Variants in LRBA observed in about 807,000 individuals in gnomAD.
The protein encoded by LRBA is LPS responsive beige-like anchor protein.
A neutral mutation model predicts 330.0 loss-of-function variants in LRBA; 176 were observed. The observed-to-expected ratio is 0.53, with a 90% CI of 0.47 to 0.60. The LOEUF (loss-of-function observed/expected upper bound fraction) is 0.60, where lower values mean the gene tolerates loss of function less well. Among genes scored for constraint, LRBA ranks in the 20% least tolerant of loss-of-function variants. The probability of loss-of-function intolerance (pLI) is 0.00; values close to 1 mark genes in which losing one functional copy is unlikely to be tolerated. For synonymous variants in LRBA, 1,230 were observed against 1,193.0 expected (o/e 1.03, Z -0.64); for missense variants, 3,259 against 3,444.8 (o/e 0.95, Z 1.35).
chr4:150,853,022 T>G, intron 22 of LRBA, 79 bp from the exon 23 acceptor site: 1 of 712,210 alleles, frequency 1.4e-6, no homozygotes, highest in Non-Finnish European at 2.1e-6. Context: ...TAAATAATTT[T>G]CAAATACATA....
At chr4:150,769,196 C>T (rs1419059642) in intron 34 of LRBA, among the ~76,000 whole-genome samples, 5 of 151,974 alleles carry the variant, frequency 3.3e-5, no homozygotes, top group African/African-American at 9.7e-5. Context: ...CCACCCGCCT[C>T]GGCTTCCCAA....
At chr4:150,512,943 A>C (rs1761984181) in intron 40 of LRBA, among the ~76,000 whole-genome samples, 1 of 152,260 alleles carries the variant, frequency 6.6e-6, no homozygotes, top group Non-Finnish European at 1.5e-5. Flanking sequence ...TTAAACATTA[A>C]TAGTAACATA....
chr4:150,836,932 AG>A (rs1290869102), intron 28 of LRBA, among the ~76,000 whole-genome samples: 2 of 152,144 alleles, frequency 1.3e-5, no homozygotes, highest in Admixed American at 6.6e-5. Flanking sequence ...GTGGGCATTT[AG>A]TGCTATAAAT....
intron 2 of LRBA, among the ~76,000 whole-genome samples, chr4:150,943,547 C>T (rs1735903552): frequency 6.6e-6 from 1 of 152,182 alleles, no homozygotes; most frequent in African/African-American, 2.4e-5. Context: ...CTTAGATAGG[C>T]AGCTGGATGA....
chr4:150,762,619 TTGTG>T (rs1735247009), intron 34 of LRBA, among the ~76,000 whole-genome samples: 1 of 151,886 alleles, frequency 6.6e-6, no homozygotes, highest in Non-Finnish European at 1.5e-5. Flanking sequence ...TGAATGCCAC[TTGTG>T]TGTATGTGCG....
At chr4:150,453,274 T>A (rs559540625) in intron 44 of LRBA, among the ~76,000 whole-genome samples, 19 of 152,256 alleles carry the variant, frequency 1.2e-4, no homozygotes, top group African/African-American at 4.3e-4. Flanking sequence ...TATTACATGA[T>A]TTACTATAAA....
intron 37 of LRBA, among the ~76,000 whole-genome samples, chr4:150,615,226 A>G (rs997187590): frequency 2.0e-5 from 3 of 152,238 alleles, no homozygotes; most frequent in African/African-American, 4.8e-5. Context: ...AGTTTCTAAG[A>G]GGGCCAAATC....
intron 22 of LRBA, among the ~76,000 whole-genome samples, chr4:150,854,318 A>C (rs1750965733): frequency 6.6e-6 from 1 of 152,208 alleles, no homozygotes; most frequent in African/African-American, 2.4e-5. Context: ...ATTCCTCACT[A>C]AACAGTAAAA....
Position 150,964,001 on chromosome 4 carries a change from T to C in LRBA, c.217-34936A>G, listed in dbSNP as rs1281610603. Among the ~76,000 whole-genome samples, 3 of 147,272 alleles carry C rather than the reference T, an allele frequency of 2.0e-5. 1 individual carries two copies. The highest frequency in any genetic ancestry group is 8.0e-5 in the African/African-American group (3 of 37,430). On this transcript the variant is annotated intron_variant, in intron 2 of 56. Transcript: ENST00000651943. The stretch of plus-strand genomic sequence containing the variant: ...GTCTCTGCCCTGCCGCCACCCCTTC[T>C]GGGAGGTGAGGAGCGTCTCTGACCG...
intron 40 of LRBA, among the ~76,000 whole-genome samples, chr4:150,542,662 T>C (rs1297162176): frequency 9.9e-5 from 15 of 152,224 alleles, no homozygotes; most frequent in Non-Finnish European, 4.4e-5. Flanking sequence ...AAAGTTAATA[T>C]AAACACAAAG....
chr4:150,346,720 T>C (rs1432244243), intron 48 of LRBA, among the ~76,000 whole-genome samples: 3 of 125,642 alleles, frequency 2.4e-5, no homozygotes, highest in East Asian at 2.2e-4. Flanking sequence ...GATTACACCA[T>C]TGCACTCCAG....
At chr4:150,990,282 T>C (rs1741924300) in intron 2 of LRBA, among the ~76,000 whole-genome samples, 1 of 152,148 alleles carries the variant, frequency 6.6e-6, no homozygotes, top group African/African-American at 2.4e-5. Flanking sequence ...CAACTTAGAA[T>C]AGATTAAGAA....
intron 2 of LRBA, among the ~76,000 whole-genome samples, chr4:150,982,621 C>T (rs1245155137): frequency 6.7e-6 from 1 of 149,274 alleles, no homozygotes; most frequent in African/African-American, 2.5e-5. Context: ...AAAAAACACC[C>T]ATAGAATAAA....
intron 40 of LRBA, 90 bp downstream of exon 40, chr4:150,587,958 C>T: frequency 7.2e-7 from 1 of 1,397,270 alleles, no homozygotes; most frequent in Non-Finnish European, 9.6e-7. Flanking sequence ...GAAATTCAAA[C>T]TAAGCCTGTC....
chr4:150,893,103 G>C lies in LRBA; in HGVS notation c.2114C>G (p.Ser705Ter), dbSNP rs1178333185. ...AGGAATCATAGAGTTAGGGTGTTCT[G>C]ACATTAATGCAACAAGCAGCTGTAG... The part of the protein sequence containing the change: ...DVLQLLVALM[S>*]EHPNSMIPAF... Residue 705 changes from serine (S) to a stop codon, truncating the protein, a stop_gained, in exon 17 of 57, where the codon TCA (serine) becomes TGA (stop). Transcript: ENST00000651943. LOFTEE classifies it high-confidence loss of function. 6.2e-7 allele frequency: 1 copy of C among 1,612,364 alleles called. No individual in the cohort carries two copies. Among genetic ancestry groups the C allele is most frequent in the South Asian group, 1.1e-5 (1 of 90,832 alleles).
intron 37 of LRBA, among the ~76,000 whole-genome samples, chr4:150,660,877 C>T (rs1425220229): frequency 4.3e-5 from 5 of 116,680 alleles, no homozygotes; most frequent in African/African-American, 1.7e-4. Context: ...GCAGCATGCT[C>T]GTTAAGAGTC....
At chr4:150,915,404 T>C (rs1412284152) in intron 8 of LRBA, among the ~76,000 whole-genome samples, 1 of 152,130 alleles carries the variant, frequency 6.6e-6, no homozygotes, top group Non-Finnish European at 1.5e-5. Flanking sequence ...TCCTTATTTC[T>C]ACCTATATGG....
intron 47 of LRBA, among the ~76,000 whole-genome samples, chr4:150,414,361 AG>A (rs1163284808): frequency 6.6e-6 from 1 of 152,224 alleles, no homozygotes; most frequent in Non-Finnish European, 1.5e-5. Context: ...TGGTATGAAA[AG>A]AAAGGAATGC....
At chr4:150,590,483 T>C (rs1156362189) in intron 39 of LRBA, among the ~76,000 whole-genome samples, 2 of 152,084 alleles carry the variant, frequency 1.3e-5, no homozygotes, top group African/African-American at 4.8e-5. Flanking sequence ...AACTTTTTCT[T>C]TTTCAGTGAA....
Sources: gnomAD v4.1 joint callset for allele counts (sites outside exome capture counted in the v4.1 genomes callset) on GRCh38, gnomAD v4.1.1 for gene constraint, MANE v1.5 for transcripts, NCBI Gene and HGNC (gene_info 2026-07-23, HGNC 2026-07-21) for gene names.